Variants in ARHGAP23 observed in about 807,000 individuals in gnomAD.
The protein encoded by ARHGAP23 is rho GTPase-activating protein 23.
ARHGAP23 carries 34 observed loss-of-function variants against 136.3 expected under a neutral mutation model. The ratio of observed to expected loss-of-function variants is 0.25; its 90% CI spans 0.19 to 0.33. ARHGAP23 has a LOEUF of 0.33. Among genes scored for constraint, ARHGAP23 ranks in the 10% least tolerant of loss-of-function variants. ARHGAP23 has a pLI of 1.00. For synonymous variants in ARHGAP23, 832 were observed against 920.5 expected, an observed-to-expected ratio of 0.90 and a Z score of 1.74; for missense variants, 1,808 against 2,139.0, an observed-to-expected ratio of 0.85 and a Z score of 3.05.
At chr17:38,462,672 T>G (rs2039489898) in intron 3 of ARHGAP23, among the ~76,000 whole-genome samples, 174 bp from the exon 4 acceptor site, 2 of 152,218 alleles carry the variant, frequency 1.3e-5, no homozygotes, top group South Asian at 4.1e-4. Flanking sequence ...GTCCTCCTGT[T>G]GGGTTCTGTG....
chr17:38,461,016 T>C, intron 3 of ARHGAP23, 84 bp downstream of exon 3: 2 of 1,492,688 alleles, frequency 1.3e-6, no homozygotes, highest in South Asian at 1.3e-5. Flanking sequence ...TAAGACTGCC[T>C]GTCCTTTTCT....
intron 20 of ARHGAP23, among the ~76,000 whole-genome samples, chr17:38,493,725 C>A (rs1039963307): frequency 1.1e-3 from 173 of 152,220 alleles, no homozygotes; most frequent in African/African-American, 4.1e-3. Flanking sequence ...CCAGACCAGT[C>A]TTCAGGTCGG....
chr17:38,491,588 T>A, intron 20 of ARHGAP23, 56 bp downstream of exon 20: 1 of 1,545,978 alleles, frequency 6.5e-7, no homozygotes, highest in South Asian at 1.2e-5. Flanking sequence ...GCCATGTTCC[T>A]CTGAGCCCCT....
chr17:38,422,793 AG>A (rs1419804006), intron 1 of ARHGAP23, among the ~76,000 whole-genome samples: 28 of 152,182 alleles, frequency 1.8e-4, no homozygotes, highest in African/African-American at 6.8e-4. Context: ...TTCTTCTCAC[AG>A]GATTCCTGGG....
intron 2 of ARHGAP23, among the ~76,000 whole-genome samples, chr17:38,460,238 C>T (rs1363585398): frequency 5.3e-5 from 8 of 152,178 alleles, no homozygotes; most frequent in Admixed American, 4.6e-4. Context: ...AGAATCCTCT[C>T]CCCTAACTCT....
At chr17:38,448,594 C>G (rs543103039) in intron 1 of ARHGAP23, among the ~76,000 whole-genome samples, 3 of 151,684 alleles carry the variant, frequency 2.0e-5, no homozygotes, top group Admixed American at 6.6e-5. Flanking sequence ...ACTCCAGATC[C>G]CGTGTGTCAG....
At chr17:38,464,148 C>T (rs568349325) in intron 6 of ARHGAP23, among the ~76,000 whole-genome samples, 5 of 152,298 alleles carry the variant, frequency 3.3e-5, no homozygotes, top group South Asian at 2.1e-4. Context: ...CATCTCAGCA[C>T]GTGCGCCCAC....
chr17:38,490,730 G>C (rs2040259360), intron 19 of ARHGAP23, among the ~76,000 whole-genome samples, 179 bp downstream of exon 19: 6 of 152,286 alleles, frequency 3.9e-5, no homozygotes, highest in South Asian at 2.1e-4. Flanking sequence ...CTTTCCCCCA[G>C]AGAGCCATCT....
Position 38,490,792 on chromosome 17 carries a change from C to T in ARHGAP23, c.3150+241C>T, listed in dbSNP as rs796077800. On this transcript the variant is annotated intron_variant, in intron 19 of 23. Transcript: ENST00000622683. ...GCAGGGAACCCCGGCCCCCCGTATC[C>T]GATGCATTGCCATCCTCCGACTTAG... Among the ~76,000 whole-genome samples the T allele has an allele frequency of 5.6e-4, 86 of 152,344 alleles. No individual in the cohort carries two copies. In the Middle Eastern group the frequency reaches 0.01, roughly 18 times the overall value.
intron 23 of ARHGAP23, among the ~76,000 whole-genome samples, chr17:38,505,811 C>T (rs2040622515): frequency 6.6e-6 from 1 of 152,152 alleles, no homozygotes; most frequent in Non-Finnish European, 1.5e-5. Flanking sequence ...GCCTGTAATC[C>T]CAGCTACTCA....
chr17:38,421,727 C>A (rs2144455980), intron 1 of ARHGAP23, among the ~76,000 whole-genome samples: 1 of 152,328 alleles, frequency 6.6e-6, no homozygotes, highest in Non-Finnish European at 1.5e-5. Context: ...TCCCGCCCCT[C>A]TTTTCTCCTC....
chr17:38,474,161 G>T (rs12945912), intron 11 of ARHGAP23, among the ~76,000 whole-genome samples: 117,960 of 152,128 alleles, frequency 0.78, 45,856 homozygotes, highest in Admixed American at 0.82. Flanking sequence ...CCTCAAGTGA[G>T]CTGCCTGCCT....
In ARHGAP23 at chr17:38,467,209, T is replaced by A; in HGVS notation, c.1526T>A (p.Met509Lys). ...RKVQLTPARQMNLGFGDESPE... is the reference protein window; with the variant it reads ...RKVQLTPARQKNLGFGDESPE... ...GTTCAGCTGACCCCCGCAAGACAGA[T>A]GAACCTTGGATTTGGTGACGAGTCC... is the stretch of plus-strand genomic sequence containing the variant. Residue 509 changes from methionine (M) to lysine (K), a missense_variant, in exon 7 of 24, where the codon ATG becomes AAG. Physicochemically the swap from Met to Lys is moderately conservative, Grantham distance 95. Around this residue, in one of 7 missense-constraint regions of ARHGAP23, gnomAD observed 859 missense variants for 936.4 expected, o/e 0.92. Transcript: ENST00000622683. 1 of 1,551,006 alleles carries A rather than the reference T, an allele frequency of 6.4e-7. No individual in the cohort carries two copies. Among genetic ancestry groups the A allele is most frequent in the Non-Finnish European group, 8.7e-7 (1 of 1,146,736 alleles).
chr17:38,465,778 T>C (rs911389349), intron 6 of ARHGAP23, among the ~76,000 whole-genome samples: 2 of 151,830 alleles, frequency 1.3e-5, no homozygotes, highest in African/African-American at 4.8e-5. Flanking sequence ...CCTTGACTGG[T>C]CTCGGTGGGG....
At chr17:38,426,547 T>A (rs2038571677), upstream of ARHGAP23, among the ~76,000 whole-genome samples, 2 of 46,284 alleles carry the variant, frequency 4.3e-5, no homozygotes, top group East Asian at 7.4e-4. Context: ...TGAAACTCCA[T>A]CTCAAAAAAA....
At chr17:38,432,070 C>T (rs7211886) in intron 1 of ARHGAP23, among the ~76,000 whole-genome samples, 32,668 of 152,174 alleles carry the variant, frequency 0.21, 8,762 homozygotes, top group African/African-American at 0.63. Flanking sequence ...GCCTGTGGCC[C>T]CCCAGGGCGC....
In ARHGAP23 at chr17:38,477,748, T is replaced by C; in HGVS notation, c.2288T>C (p.Val763Ala). The C allele has an allele frequency of 1.9e-6, 3 of 1,548,956 alleles. No homozygotes were observed. The highest frequency in any genetic ancestry group is 4.9e-5 in the East Asian group (2 of 40,870). ...AAPVCIGSCL[V>A]DISYSETKRR... Reference sequence around the variant, plus strand: ...CCCGTCTGCATCGGCTCCTGCCTCGTGGACATCTCCTACAGCGAGACCAAG... The same window carrying C: ...CCCGTCTGCATCGGCTCCTGCCTCGCGGACATCTCCTACAGCGAGACCAAG... Residue 763 changes from valine (V) to alanine (A), a missense_variant, in exon 12 of 24, where the codon GTG becomes GCG. By Grantham distance (64) the Val-to-Ala change is moderately conservative. Around this residue, in one of 7 missense-constraint regions of ARHGAP23, gnomAD observed 139 missense variants for 264.3 expected, o/e 0.53. Transcript: ENST00000622683. This position sits in a 1 kb window ranked among gnomAD's most constrained non-coding sequence, Gnocchi z 6.6.
At chr17:38,483,780 TG>T (rs2040099710) in intron 16 of ARHGAP23, among the ~76,000 whole-genome samples, 1 of 152,000 alleles carries the variant, frequency 6.6e-6, no homozygotes, top group South Asian at 2.1e-4. Flanking sequence ...GAGCAGGTGG[TG>T]GCTGGAGGGT....
intron 10 of ARHGAP23, among the ~76,000 whole-genome samples, chr17:38,470,827 G>A (rs754618171): frequency 8.6e-5 from 13 of 152,032 alleles, no homozygotes; most frequent in African/African-American, 1.2e-4. Flanking sequence ...GTGAGCCACC[G>A]CACCTGGCCT....
Sources: allele counts gnomAD v4.1 joint callset (sites outside exome capture counted in the v4.1 genomes callset), GRCh38; gene constraint gnomAD v4.1.1; regional missense constraint gnomAD v4.1.1; non-coding constraint Gnocchi (gnomAD v3.1); transcripts MANE v1.5; gene names NCBI Gene and HGNC (gene_info 2026-07-23, HGNC 2026-07-21).